The following FAM110B variants were observed in gnomAD, a reference collection of about 807,000 sequenced individuals.
The protein encoded by FAM110B is protein FAM110B.
Under a neutral mutation model 20.4 loss-of-function variants are expected in FAM110B, and 6 were observed. That is an observed-to-expected ratio of 0.29 (90% CI 0.16 to 0.58). The LOEUF is 0.58. Among genes scored for constraint, FAM110B ranks in the 20% least tolerant of loss-of-function variants. The pLI, the probability that FAM110B is intolerant of heterozygous loss-of-function variation, is 0.90. For synonymous variants in FAM110B, 226 were observed against 214.1 expected, an observed-to-expected ratio of 1.06 and a Z score of -0.49; for missense variants, 434 against 498.2, an observed-to-expected ratio of 0.87 and a Z score of 1.23.
intron 2 of FAM110B, among the ~76,000 whole-genome samples, chr8:58,058,870 A>G (rs950457078): frequency 1.3e-5 from 2 of 152,184 alleles, no homozygotes; most frequent in African/African-American, 4.8e-5. Flanking sequence ...GATAAATTCT[A>G]ACAAATATAT....
At chr8:58,116,746 T>G (rs1807224666) in intron 3 of FAM110B, among the ~76,000 whole-genome samples, 2 of 152,170 alleles carry the variant, frequency 1.3e-5, no homozygotes, top group South Asian at 4.1e-4. Flanking sequence ...ACCAAGAGAT[T>G]ATAAATGAAT....
chr8:58,083,191 G>A (rs1806245300), intron 3 of FAM110B, among the ~76,000 whole-genome samples: 1 of 152,092 alleles, frequency 6.6e-6, no homozygotes, highest in Non-Finnish European at 1.5e-5. Context: ...TAGCAGGGCT[G>A]GAAGCGCTAT....
At chr8:58,006,923 A>ATTTTTTTTTTTTTTTT (rs1554568496) in intron 1 of FAM110B, among the ~76,000 whole-genome samples, 3 of 126,528 alleles carry the variant, frequency 2.4e-5, no homozygotes, top group Admixed American at 7.8e-5. Flanking sequence ...ATATATATAT[A>ATTTTTTTTTTTTTTTT]TTTTTCCAAA....
chr8:58,060,819 G>A (rs1805642396), intron 2 of FAM110B, among the ~76,000 whole-genome samples: 1 of 152,100 alleles, frequency 6.6e-6, no homozygotes, highest in Admixed American at 6.5e-5. Flanking sequence ...GCCCACCAGT[G>A]CAGGGCCCTG....
intron 2 of FAM110B, among the ~76,000 whole-genome samples, chr8:58,039,902 A>T (rs1320056498): frequency 1.3e-5 from 2 of 152,224 alleles, no homozygotes; most frequent in East Asian, 3.8e-4. Context: ...GACTACAGGC[A>T]TATGCCACCG....
intron 3 of FAM110B, among the ~76,000 whole-genome samples, chr8:58,080,326 T>TGA (rs1436279429): frequency 6.6e-6 from 1 of 152,158 alleles, no homozygotes; most frequent in East Asian, 1.9e-4. Flanking sequence ...AATATTAGAA[T>TGA]GATCTGTAGA....
chr8:58,097,730 G>T (rs1362106961), intron 3 of FAM110B, among the ~76,000 whole-genome samples: 1 of 152,164 alleles, frequency 6.6e-6, no homozygotes, highest in Admixed American at 6.5e-5. Context: ...TGGGGTTTTG[G>T]TATGGATGTC....
rs547423689 is a variant in FAM110B, at chr8:58,108,380, A to T, written c.-325+32757A>T. Among the ~76,000 whole-genome samples, 6 of 152,338 alleles carry T rather than the reference A, an allele frequency of 3.9e-5. No homozygotes were observed. In the South Asian group the frequency reaches 1.2e-3, roughly 32 times the overall value. ...GCCTCAGCCAGCATTGACGTGGGTG[A>T]CACCTTCAGAACGGTTGTAGGAGCA... On this transcript the variant is annotated intron_variant, in intron 3 of 3. Coordinates refer to ENST00000519262, the MANE Select transcript of FAM110B (RefSeq NM_001377989.1).
intron 1 of FAM110B, among the ~76,000 whole-genome samples, chr8:57,995,638 G>T (rs576757615): frequency 3.3e-5 from 5 of 152,298 alleles, no homozygotes; most frequent in African/African-American, 4.8e-5. Flanking sequence ...AAGCTGGCTC[G>T]TGGGGAAGGA....
chr8:58,020,303 G>A (rs1467909661), intron 1 of FAM110B, among the ~76,000 whole-genome samples: 1 of 151,970 alleles, frequency 6.6e-6, no homozygotes, highest in East Asian at 1.9e-4. Flanking sequence ...TACTGACTGT[G>A]TTTATTTTTA....
chr8:58,090,169 A>AG (rs879818442), intron 3 of FAM110B, among the ~76,000 whole-genome samples: 18 of 152,180 alleles, frequency 1.2e-4, no homozygotes, highest in South Asian at 4.2e-4. Context: ...TTTGGGGGGC[A>AG]GGGGGGCGGA....
chr8:58,025,960 T>G (rs1804848039), intron 1 of FAM110B, among the ~76,000 whole-genome samples: 1 of 152,214 alleles, frequency 6.6e-6, no homozygotes. Flanking sequence ...AGGTCCATGG[T>G]CTTTCCAGAC....
At chr8:58,142,158 C>T (rs1027452648) in intron 3 of FAM110B, among the ~76,000 whole-genome samples, 2 of 152,196 alleles carry the variant, frequency 1.3e-5, no homozygotes, top group African/African-American at 4.8e-5. Context: ...GCCTAAAAAG[C>T]TCAGACTTTT....
At chr8:58,073,865 G>T (rs189856547) in intron 2 of FAM110B, among the ~76,000 whole-genome samples, 1 of 152,278 alleles carries the variant, frequency 6.6e-6, no homozygotes, top group African/African-American at 2.4e-5. Flanking sequence ...CATTTAATTG[G>T]ATTTAAATTT....
intron 2 of FAM110B, among the ~76,000 whole-genome samples, chr8:58,047,491 A>G (rs1010372865): frequency 1.4e-4 from 21 of 151,830 alleles, no homozygotes; most frequent in African/African-American, 4.8e-4. Flanking sequence ...GTCTCCAACC[A>G]TCACCTCAAT....
intron 1 of FAM110B, among the ~76,000 whole-genome samples, chr8:57,995,988 G>A (rs1355222043): frequency 6.6e-6 from 1 of 151,990 alleles, no homozygotes; most frequent in Non-Finnish European, 1.5e-5. Flanking sequence ...TGGTGAAGAA[G>A]GTATTTATTA....
intron 1 of FAM110B, among the ~76,000 whole-genome samples, chr8:58,001,523 C>T (rs1268247679): frequency 6.6e-6 from 1 of 152,094 alleles, no homozygotes; most frequent in Non-Finnish European, 1.5e-5. Flanking sequence ...ATTTTTCTTA[C>T]AGGTATTTTT....
intron 3 of FAM110B, among the ~76,000 whole-genome samples, chr8:58,136,231 C>T (rs750948453): frequency 6.6e-6 from 1 of 151,976 alleles, no homozygotes; most frequent in Non-Finnish European, 1.5e-5. Flanking sequence ...AGGATGGTCT[C>T]GATCTCCTGA....
At chr8:58,133,304 T>C (rs1186671031) in intron 3 of FAM110B, among the ~76,000 whole-genome samples, 3 of 152,000 alleles carry the variant, frequency 2.0e-5, no homozygotes, top group African/African-American at 4.8e-5. Flanking sequence ...TTTAGATTTG[T>C]ATTCTTTTAT....
Sources: gnomAD v4.1 joint callset for allele counts (sites outside exome capture counted in the v4.1 genomes callset) on GRCh38, gnomAD v4.1.1 for gene constraint, MANE v1.5 for transcripts, NCBI Gene and HGNC (gene_info 2026-07-23, HGNC 2026-07-21) for gene names.